The following ADCYAP1R1 variants were observed in gnomAD, a reference collection of about 807,000 sequenced individuals.
ADCYAP1R1 encodes the protein pituitary adenylate cyclase-activating polypeptide type I receptor.
Under a neutral mutation model 67.6 loss-of-function variants are expected in ADCYAP1R1, and 44 were observed. The ratio of observed to expected loss-of-function variants is 0.65; its 90% CI spans 0.51 to 0.84. The LOEUF (loss-of-function observed/expected upper bound fraction) is 0.84. Ranked by LOEUF, ADCYAP1R1 falls within the 40% of genes least tolerant of loss-of-function variation. The pLI is 0.00. For synonymous variants in ADCYAP1R1, 222 were observed against 219.6 expected, an observed-to-expected ratio of 1.01 and a Z score of -0.10; for missense variants, 477 against 587.9, an observed-to-expected ratio of 0.81 and a Z score of 1.95.
intron 4 of ADCYAP1R1, among the ~76,000 whole-genome samples, chr7:31,078,697 A>G (rs1231252139): frequency 6.6e-6 from 1 of 152,104 alleles, no homozygotes; most frequent in Non-Finnish European, 1.5e-5. Context: ...GCGCACACTC[A>G]CGTTTGCTCA....
chr7:31,083,002 T>TC (rs1256688600), intron 6 of ADCYAP1R1, among the ~76,000 whole-genome samples: 1 of 152,272 alleles, frequency 6.6e-6, no homozygotes. Flanking sequence ...CCTGCTGCCC[T>TC]CCTTGCCTCT....
intron 1 of ADCYAP1R1, among the ~76,000 whole-genome samples, chr7:31,058,333 C>CTG: frequency 6.6e-6 from 1 of 152,316 alleles, no homozygotes; most frequent in South Asian, 2.1e-4. Context: ...TGATGCTATC[C>CTG]TGTGTGTGCA....
intron 13 of ADCYAP1R1, among the ~76,000 whole-genome samples, chr7:31,101,795 A>C (rs746093443): frequency 3.9e-5 from 6 of 152,234 alleles, no homozygotes; most frequent in Admixed American, 6.5e-5. Context: ...AGGGAGTCAC[A>C]GTCAGAGATA....
At chr7:31,094,304 A>T (rs1796095725) in intron 13 of ADCYAP1R1, among the ~76,000 whole-genome samples, 2 of 152,060 alleles carry the variant, frequency 1.3e-5, no homozygotes, top group Admixed American at 1.3e-4. Flanking sequence ...CCTGCCCTAG[A>T]GATAGCATTC....
At chr7:31,065,437 C>G (rs558546824) in intron 3 of ADCYAP1R1, among the ~76,000 whole-genome samples, 29 of 152,304 alleles carry the variant, frequency 1.9e-4, no homozygotes, top group Admixed American at 7.8e-4. Flanking sequence ...CCTGGGGCTG[C>G]CTTTGAGGAG....
intron 3 of ADCYAP1R1, among the ~76,000 whole-genome samples, chr7:31,066,389 C>T (rs187567350): frequency 4.6e-5 from 7 of 152,230 alleles, no homozygotes; most frequent in Admixed American, 4.6e-4. Context: ...TAATTGCTCA[C>T]CTGCTTGTTG....
chr7:31,074,517 G>A (rs989670922), intron 3 of ADCYAP1R1, among the ~76,000 whole-genome samples: 5 of 152,234 alleles, frequency 3.3e-5, no homozygotes, highest in South Asian at 2.1e-4. Flanking sequence ...CTGCTCATTC[G>A]CTCTGAAGTG....
At chr7:31,100,318 G>A in intron 13 of ADCYAP1R1, 1 of 840,634 alleles carries the variant, frequency 1.2e-6, no homozygotes, top group Non-Finnish European at 1.7e-6. Flanking sequence ...CTGCCTCCCA[G>A]CCCCAACCCA....
chr7:31,084,937 C>T (rs934798233), intron 8 of ADCYAP1R1, 103 bp downstream of exon 8: 15 of 1,118,024 alleles, frequency 1.3e-5, no homozygotes, highest in Non-Finnish European at 1.8e-5. Context: ...CCTAGAAGAC[C>T]CCTTTGAAGG....
intron 1 of ADCYAP1R1, among the ~76,000 whole-genome samples, chr7:31,059,828 G>A (rs919392080): frequency 1.2e-4 from 19 of 152,030 alleles, no homozygotes; most frequent in Admixed American, 3.3e-4. Context: ...GAGAGGCTGC[G>A]GGAGGTGATC....
At chr7:31,060,817 A>T (rs1461970947) in intron 1 of ADCYAP1R1, among the ~76,000 whole-genome samples, 1 of 152,206 alleles carries the variant, frequency 6.6e-6, no homozygotes, top group Non-Finnish European at 1.5e-5. Flanking sequence ...AGAGCTGTTC[A>T]AACTCCTAGT....
At chr7:31,084,283 T>G (rs1195756105) in intron 7 of ADCYAP1R1, 33 bp downstream of exon 7, 2 of 1,588,810 alleles carry the variant, frequency 1.3e-6, no homozygotes, top group African/African-American at 2.7e-5. Context: ...CCAGAGGTGG[T>G]GAGGGTAGGG....
chr7:31,084,665 G>C, intron 7 of ADCYAP1R1, 72 bp from the exon 8 acceptor site: 1 of 1,283,276 alleles, frequency 7.8e-7, no homozygotes, highest in Non-Finnish European at 1.1e-6. Flanking sequence ...GGGAGACTGG[G>C]TGCAGGCCTG....
At chr7:31,101,862 C>T (rs73688766) in intron 13 of ADCYAP1R1, among the ~76,000 whole-genome samples, 14,659 of 152,204 alleles carry the variant, frequency 0.096, 1,881 homozygotes, top group African/African-American at 0.29. Flanking sequence ...CTGGGCTTAG[C>T]AGGAACCTGC....
At chr7:31,058,801 G>A (rs1184270137) in intron 1 of ADCYAP1R1, among the ~76,000 whole-genome samples, 5 of 152,220 alleles carry the variant, frequency 3.3e-5, no homozygotes, top group Admixed American at 3.3e-4. Flanking sequence ...AGAGAGGGCA[G>A]TGGAAGCATA....
intron 3 of ADCYAP1R1, among the ~76,000 whole-genome samples, chr7:31,073,774 A>G (rs1244079832): frequency 6.6e-6 from 1 of 152,178 alleles, no homozygotes; most frequent in East Asian, 1.9e-4. Context: ...TTGAGACCCC[A>G]GCAATGCAGG....
intron 13 of ADCYAP1R1, among the ~76,000 whole-genome samples, chr7:31,098,114 C>G (rs1240972512): frequency 6.6e-6 from 1 of 152,148 alleles, no homozygotes; most frequent in Non-Finnish European, 1.5e-5. Context: ...GTTGCCCAGG[C>G]TGGTCTCAAA....
At chr7:31,084,666 T>C in intron 7 of ADCYAP1R1, 71 bp from the exon 8 acceptor site, 1 of 1,292,062 alleles carries the variant, frequency 7.7e-7, no homozygotes, top group East Asian at 2.3e-5. Context: ...GGAGACTGGG[T>C]GCAGGCCTGA....
At chr7:31,069,751 C>A (rs1236437957) in intron 3 of ADCYAP1R1, among the ~76,000 whole-genome samples, 2 of 152,084 alleles carry the variant, frequency 1.3e-5, no homozygotes, top group Non-Finnish European at 2.9e-5. Context: ...GAGACAGATG[C>A]ACTGAGGGGA....
Sources: gnomAD v4.1 joint callset for allele counts (sites outside exome capture counted in the v4.1 genomes callset) on GRCh38, gnomAD v4.1.1 for gene constraint, MANE v1.5 for transcripts, NCBI Gene and HGNC (gene_info 2026-07-23, HGNC 2026-07-21) for gene names.